The following CRY1 variants were observed in gnomAD, a reference collection of about 807,000 sequenced individuals.
The protein encoded by CRY1 is cryptochrome-1.
Under a neutral mutation model 76.0 loss-of-function variants are expected in CRY1, and 45 were observed. That is an observed-to-expected ratio of 0.59 (90% CI 0.47 to 0.76). The LOEUF (loss-of-function observed/expected upper bound fraction) is 0.76. Ranked by LOEUF, CRY1 falls within the 30% of genes least tolerant of loss-of-function variation. The pLI is 0.00. For synonymous variants in CRY1, 248 were observed against 244.0 expected (o/e 1.02, Z -0.15); for missense variants, 587 against 716.4 (o/e 0.82, Z 2.06).
intron 1 of CRY1, among the ~76,000 whole-genome samples, chr12:107,077,607 T>C (rs928847802): frequency 3.3e-5 from 5 of 152,264 alleles, no homozygotes; most frequent in African/African-American, 9.6e-5. Flanking sequence ...TTTATCATCC[T>C]GTGAATACAC....
chr12:107,002,891 T>C (rs958105014), intron 3 of CRY1, among the ~76,000 whole-genome samples: 5 of 152,172 alleles, frequency 3.3e-5, no homozygotes, highest in African/African-American at 1.2e-4. Context: ...GTCATCCATG[T>C]AAGACATGAC....
At chr12:107,018,795 A>T (rs1053301197) in intron 2 of CRY1, among the ~76,000 whole-genome samples, 5 of 152,146 alleles carry the variant, frequency 3.3e-5, no homozygotes, top group Non-Finnish European at 7.4e-5. Flanking sequence ...TAAGTAAAAA[A>T]CGCCAGAAAA....
At chr12:107,004,541 G>A (rs1045616706) in intron 3 of CRY1, among the ~76,000 whole-genome samples, 3 of 152,100 alleles carry the variant, frequency 2.0e-5, no homozygotes, top group African/African-American at 7.2e-5. Context: ...GAATTTCTGT[G>A]GGACAAAGCA....
chr12:107,085,791 C>A (rs1249554893), intron 1 of CRY1, among the ~76,000 whole-genome samples: 2 of 151,914 alleles, frequency 1.3e-5, no homozygotes, highest in African/African-American at 4.8e-5. Context: ...AACAAACCTG[C>A]AGGTTCTGTA....
In CRY1 at chr12:107,086,574, G is replaced by A. The variant is rs533936562; in HGVS notation, c.158+6230C>T. Among the ~76,000 whole-genome samples the A allele has an allele frequency of 1.2e-4, 19 of 152,326 alleles. No individual in the cohort carries two copies. In the East Asian group the frequency reaches 1.9e-3, roughly 15 times the overall value. ...GCGGTCTTGAGATGCTACTCCCCAC[G>A]TTCTGGCTGCTCTGGCTGCAGCCAG... On this transcript the variant is annotated intron_variant, in intron 1 of 12. Coordinates refer to ENST00000008527, the MANE Select transcript of CRY1 (RefSeq NM_004075.5).
chr12:107,072,539 A>G (rs1248319621), intron 1 of CRY1, among the ~76,000 whole-genome samples: 1 of 152,202 alleles, frequency 6.6e-6, no homozygotes, highest in Admixed American at 6.5e-5. Context: ...CAGAAGTCCT[A>G]TGTTATTTAT....
intron 1 of CRY1, among the ~76,000 whole-genome samples, chr12:107,073,281 G>A (rs970842118): frequency 6.6e-6 from 1 of 151,712 alleles, no homozygotes; most frequent in Non-Finnish European, 1.5e-5. Flanking sequence ...TGTCACCCAG[G>A]CTGGAGTGCA....
intron 1 of CRY1, among the ~76,000 whole-genome samples, chr12:107,064,998 AT>A (rs142542333): frequency 0.012 from 1,883 of 152,272 alleles, 32 homozygotes; most frequent in African/African-American, 0.043. Flanking sequence ...TTCTGAATTT[AT>A]TTAGGAGTAA....
intron 1 of CRY1, among the ~76,000 whole-genome samples, chr12:107,030,049 T>C (rs1952658772): frequency 6.6e-6 from 1 of 152,154 alleles, no homozygotes. Context: ...CACTGGACTG[T>C]AGCCTGCAAC....
intron 10 of CRY1, among the ~76,000 whole-genome samples, chr12:106,995,820 C>G (rs1365708311): frequency 6.6e-6 from 1 of 152,038 alleles, no homozygotes; most frequent in Admixed American, 6.6e-5. Context: ...CCTGCCCCCC[C>G]AACAGACCCC....
chr12:106,993,088 A>G (rs773808351), intron 10 of CRY1, 52 bp from the exon 11 acceptor site: 5 of 1,567,254 alleles, frequency 3.2e-6, no homozygotes, highest in Admixed American at 1.7e-5. Flanking sequence ...TCCAAGATGT[A>G]TGTATTATTA....
chr12:107,046,763 T>C (rs1178360980), intron 1 of CRY1, among the ~76,000 whole-genome samples: 3 of 152,122 alleles, frequency 2.0e-5, no homozygotes, highest in Non-Finnish European at 4.4e-5. Flanking sequence ...AAAGCAGAAT[T>C]TAAGTCAAAA....
intron 1 of CRY1, among the ~76,000 whole-genome samples, chr12:107,040,405 C>A (rs898330759): frequency 2.6e-5 from 4 of 151,264 alleles, no homozygotes; most frequent in Non-Finnish European, 5.9e-5. Context: ...TCTGCCCCAG[C>A]CTCCCGAGTA....
rs1953496637 is a variant in CRY1 at position 107,093,127 on chromosome 12, G to A, written c.-166C>T. 3 of 802,906 alleles carry A rather than the reference G, an allele frequency of 3.7e-6. No individual in the cohort carries two copies. The highest frequency in any genetic ancestry group is 3.6e-5 in the African/African-American group (2 of 56,338). The allele number at this position is 802,906 out of a possible 1,614,324, so 49.7% of individuals were successfully genotyped here. A position where few individuals can be genotyped will look rare whatever the true frequency, so the allele number is the denominator to read the frequency against. ...TCCGAGGAGGGGACCGGAGAAGGCG[G>A]GGGCGCCGGAGGCGCAGTGGAAAGA... On this transcript the variant is annotated 5_prime_UTR_variant, in exon 1 of 13. Coordinates refer to ENST00000008527, the MANE Select transcript of CRY1 (RefSeq NM_004075.5).
rs1295760056 is a variant in CRY1, at chr12:106,997,706, G to A, written c.1290-16C>T. The A allele has an allele frequency of 6.2e-7, 1 of 1,612,652 alleles. No homozygotes were observed. The highest frequency in any genetic ancestry group is 8.5e-7 in the Non-Finnish European group (1 of 1,179,368). On this transcript the variant is annotated splice_polypyrimidine_tract_variant and intron_variant, in intron 8 of 12. Coordinates refer to ENST00000008527, the MANE Select transcript of CRY1 (RefSeq NM_004075.5). Reference sequence around the variant, plus strand: ...CAAATAACGCCTTTGGGAGAAAAAAGAAAGATTACTAATAAAATGCACTCT... The same window carrying A: ...CAAATAACGCCTTTGGGAGAAAAAAAAAAGATTACTAATAAAATGCACTCT...
intron 1 of CRY1, among the ~76,000 whole-genome samples, chr12:107,086,358 C>G (rs532490256): frequency 6.6e-6 from 1 of 152,286 alleles, no homozygotes; most frequent in African/African-American, 2.4e-5. Context: ...GCCCCAGGTA[C>G]CAGGCCCTGA....
chr12:107,070,292 A>C (rs545505667), intron 1 of CRY1, among the ~76,000 whole-genome samples: 1 of 152,226 alleles, frequency 6.6e-6, no homozygotes, highest in Middle Eastern at 3.2e-3. Flanking sequence ...CAGCTGTTAG[A>C]AGCAATGGAT....
In CRY1 at chr12:106,998,577, T is replaced by C. The variant is rs1952259658; in HGVS notation, c.1138-511A>G. 2.6e-5 allele frequency among the ~76,000 whole-genome samples: 4 copies of C among 152,086 alleles called. No individual in the cohort carries two copies. In the South Asian group the frequency reaches 6.2e-4, roughly 24 times the overall value. On this transcript the variant is annotated intron_variant, in intron 7 of 12. Coordinates refer to ENST00000008527, the MANE Select transcript of CRY1 (RefSeq NM_004075.5). Reference sequence around the variant, plus strand: ...GATCAGAAAGAAAATAGAATTAAAATAAATGATTTTTATATATATTCATTA... The same window carrying C: ...GATCAGAAAGAAAATAGAATTAAAACAAATGATTTTTATATATATTCATTA...
At chr12:107,018,998 C>T (rs1479294554) in intron 2 of CRY1, among the ~76,000 whole-genome samples, 1 of 152,150 alleles carries the variant, frequency 6.6e-6, no homozygotes, top group Non-Finnish European at 1.5e-5. Context: ...GTACTGTTAC[C>T]AGGTCTAAAC....
Sources: gnomAD v4.1 joint callset for allele counts (sites outside exome capture counted in the v4.1 genomes callset) on GRCh38, gnomAD v4.1.1 for gene constraint, MANE v1.5 for transcripts, NCBI Gene and HGNC (gene_info 2026-07-23, HGNC 2026-07-21) for gene names.